Variants in GRXCR1 observed in about 807,000 individuals in gnomAD.
GRXCR1 encodes the protein glutaredoxin and cysteine rich domain containing 1.
In GRXCR1, 27 loss-of-function variants were observed where a neutral mutation model predicts 27.3. The ratio of observed to expected loss-of-function variants is 0.99; its 90% CI spans 0.73 to 1.37. The LOEUF (loss-of-function observed/expected upper bound fraction) is 1.37, where lower values mean the gene tolerates loss of function less well. Among genes scored for constraint, GRXCR1 ranks in the 40% most tolerant of loss-of-function variants. GRXCR1 has a pLI of 0.00. For missense variants in GRXCR1, 379 were observed against 354.4 expected, an observed-to-expected ratio of 1.07 and a Z score of -0.56; for synonymous variants, 122 against 131.1, an observed-to-expected ratio of 0.93 and a Z score of 0.47.
At chr4:43,029,116 A>T (rs1713344776) in intron 3 of GRXCR1, among the ~76,000 whole-genome samples, 1 of 152,226 alleles carries the variant, frequency 6.6e-6, no homozygotes, top group South Asian at 2.1e-4. Flanking sequence ...ATACCAAAGT[A>T]CATCCCACAG....
At chr4:42,943,700 C>T (rs570828796) in intron 1 of GRXCR1, among the ~76,000 whole-genome samples, 4 of 152,184 alleles carry the variant, frequency 2.6e-5, no homozygotes, top group African/African-American at 9.6e-5. Flanking sequence ...ATATTTATCA[C>T]TTATTCATTC....
intron 1 of GRXCR1, among the ~76,000 whole-genome samples, chr4:42,901,065 G>C (rs2109738038): frequency 6.6e-6 from 1 of 152,202 alleles, no homozygotes; most frequent in Non-Finnish European, 1.5e-5. Flanking sequence ...ACTGTCCCAA[G>C]TAAATATCCC....
chr4:42,955,491 C>T (rs921207127), intron 1 of GRXCR1, among the ~76,000 whole-genome samples: 8 of 152,026 alleles, frequency 5.3e-5, no homozygotes, highest in African/African-American at 1.2e-4. Flanking sequence ...GTGGAAAGCA[C>T]GTGGACTTTG....
At chr4:42,954,053 A>G (rs976059402) in intron 1 of GRXCR1, among the ~76,000 whole-genome samples, 5 of 152,152 alleles carry the variant, frequency 3.3e-5, no homozygotes, top group African/African-American at 1.2e-4. Context: ...GAAAATATTT[A>G]TGGAGTATCC....
At chr4:42,900,786 A>T (rs1319095306) in intron 1 of GRXCR1, among the ~76,000 whole-genome samples, 1 of 152,142 alleles carries the variant, frequency 6.6e-6, no homozygotes, top group Non-Finnish European at 1.5e-5. Flanking sequence ...CTGTGACCTC[A>T]GGAACTTGTG....
intron 2 of GRXCR1, among the ~76,000 whole-genome samples, 193 bp from the exon 3 acceptor site, chr4:43,020,158 GACT>G (rs1713049601): frequency 1.3e-5 from 2 of 152,046 alleles, no homozygotes; most frequent in African/African-American, 4.8e-5. Context: ...CCTGAGGTAA[GACT>G]TACTAGATGG....
At chr4:42,995,714 T>C (rs764862083) in intron 2 of GRXCR1, among the ~76,000 whole-genome samples, 4 of 152,186 alleles carry the variant, frequency 2.6e-5, no homozygotes, top group Admixed American at 1.3e-4. Context: ...TAAAATAAAT[T>C]GGTGAATCAG....
intron 2 of GRXCR1, among the ~76,000 whole-genome samples, chr4:42,988,803 T>A (rs1400025206): frequency 1.3e-5 from 2 of 152,212 alleles, no homozygotes; most frequent in Non-Finnish European, 2.9e-5. Flanking sequence ...ATATATGGAA[T>A]GCCAGTATGC....
chr4:42,956,158 A>G (rs1747998832), intron 1 of GRXCR1, among the ~76,000 whole-genome samples: 1 of 152,102 alleles, frequency 6.6e-6, no homozygotes, highest in Admixed American at 6.6e-5. Context: ...CATGTGCTGC[A>G]GGTTGTTGTA....
chr4:42,957,651 T>C (rs1216658015), intron 1 of GRXCR1, among the ~76,000 whole-genome samples: 3 of 151,800 alleles, frequency 2.0e-5, no homozygotes, highest in Non-Finnish European at 4.4e-5. Flanking sequence ...ACTATGTAGT[T>C]TCAAATAGCC....
intron 2 of GRXCR1, among the ~76,000 whole-genome samples, chr4:43,010,226 A>G (rs1577943860): frequency 6.6e-6 from 1 of 152,066 alleles, no homozygotes. Context: ...ACATGGTGAA[A>G]CCCTGCCTCT....
intron 3 of GRXCR1, among the ~76,000 whole-genome samples, chr4:43,020,920 G>A (rs28629863): frequency 0.023 from 3,494 of 152,232 alleles, 134 homozygotes; most frequent in African/African-American, 0.08. Flanking sequence ...CATGCAACCG[G>A]AAAGCCCTTA....
At chr4:43,015,585 A>G (rs561337452) in intron 2 of GRXCR1, among the ~76,000 whole-genome samples, 3 of 152,106 alleles carry the variant, frequency 2.0e-5, no homozygotes, top group Non-Finnish European at 2.9e-5. Flanking sequence ...TGTTTCATCT[A>G]AAAAGCTAAC....
intron 1 of GRXCR1, among the ~76,000 whole-genome samples, chr4:42,907,544 A>G (rs766635177): frequency 6.6e-6 from 1 of 152,086 alleles, no homozygotes; most frequent in Non-Finnish European, 1.5e-5. Context: ...TCTGAGCATT[A>G]TGTCCTTCTC....
chr4:42,919,820 T>C (rs1328609643), intron 1 of GRXCR1, among the ~76,000 whole-genome samples: 1 of 152,190 alleles, frequency 6.6e-6, no homozygotes, highest in African/African-American at 2.4e-5. Context: ...AAATGTAAAT[T>C]TCTATAATAT....
chr4:43,022,270 A>T (rs1243321848), intron 3 of GRXCR1, among the ~76,000 whole-genome samples: 1 of 152,172 alleles, frequency 6.6e-6, no homozygotes, highest in Non-Finnish European at 1.5e-5. Flanking sequence ...ATCTTTTAGG[A>T]TCTTACAGGA....
intron 1 of GRXCR1, among the ~76,000 whole-genome samples, chr4:42,944,710 AG>A (rs1747703083): frequency 6.6e-6 from 1 of 152,158 alleles, no homozygotes; most frequent in Non-Finnish European, 1.5e-5. Context: ...GTCAAGAGGA[AG>A]GAGCTCAGCC....
intron 1 of GRXCR1, among the ~76,000 whole-genome samples, chr4:42,901,392 G>A (rs75275630): frequency 0.086 from 13,049 of 152,074 alleles, 966 homozygotes; most frequent in East Asian, 0.33. Context: ...GAGGCTTTAC[G>A]GCAGAATTCA....
chr4:42,903,634 T>C (rs1048507794), intron 1 of GRXCR1, among the ~76,000 whole-genome samples: 2 of 148,074 alleles, frequency 1.4e-5, no homozygotes, highest in African/African-American at 4.9e-5. Flanking sequence ...TTATGGAATT[T>C]CCCTTTTCAT....
Sources: gnomAD v4.1 joint callset for allele counts (sites outside exome capture counted in the v4.1 genomes callset) on GRCh38, gnomAD v4.1.1 for gene constraint, MANE v1.5 for transcripts, NCBI Gene and HGNC (gene_info 2026-07-23, HGNC 2026-07-21) for gene names.